The following COL5A1 variants were observed in gnomAD, a reference collection of about 807,000 sequenced individuals.
COL5A1 encodes collagen alpha-1(V) chain.
A neutral mutation model predicts 263.7 loss-of-function variants in COL5A1; 16 were observed. The observed-to-expected ratio is 0.06, with a 90% CI of 0.04 to 0.09. The LOEUF (loss-of-function observed/expected upper bound fraction) is 0.09. COL5A1 is among the 10% of genes least tolerant of loss of function. COL5A1 has a pLI of 1.00. For synonymous variants in COL5A1, 1,012 were observed against 1,004.5 expected (o/e 1.01, Z -0.14); for missense variants, 2,036 against 2,540.5 (o/e 0.80, Z 4.27).
chr9:134,831,201 T>A (rs1346033113), intron 64 of COL5A1, among the ~76,000 whole-genome samples: 9 of 152,236 alleles, frequency 5.9e-5, no homozygotes, highest in African/African-American at 1.9e-4. Context: ...GCCTTTGCCC[T>A]GTCTGCACCT....
chr9:134,765,879 G>T lies in COL5A1; in HGVS notation c.2088+145G>T. On this transcript the variant is annotated intron_variant, in intron 21 of 65. Transcript: ENST00000371817. This position sits in a 1 kb window ranked among gnomAD's most constrained non-coding sequence, Gnocchi z 5.1. ...CCTGCTGCCAGTGTGAGGCGTGAGC[G>T]GGACACTGATGTTCAGACGCTGTAG... 1 of 670,708 alleles carries T rather than the reference G, an allele frequency of 1.5e-6. No individual in the cohort carries two copies. Among genetic ancestry groups the T allele is most frequent in the South Asian group, 1.9e-5 (1 of 53,462 alleles). The allele number at this position is 670,708 out of a possible 1,614,324, so 41.5% of individuals were successfully genotyped here. A position where few individuals can be genotyped will look rare whatever the true frequency, so the allele number is the denominator to read the frequency against.
chr9:134,822,884 G>A (rs1312205616), intron 59 of COL5A1, 114 bp from the exon 60 acceptor site: 4 of 1,162,348 alleles, frequency 3.4e-6, no homozygotes, highest in Non-Finnish European at 5.1e-6. Flanking sequence ...ACTCTTGAGG[G>A]GGATGCGGGT....
chr9:134,815,984 A>C lies in COL5A1; in HGVS notation c.4118A>C (p.Gln1373Pro). The part of the protein sequence containing the change: ...GDKGDDGEPG[Q>P]TGSPGPTGEP... ...AAAGGAGATGATGGTGAACCCGGGC[A>C]GACGGTGAGTCCACAATCTGGGCTG... is the stretch of plus-strand genomic sequence containing the variant. The change falls in exon 52 of 66, where the codon CAG (glutamine) becomes CCG (proline). Residue 1373 changes from glutamine to proline, a missense_variant. Gln to Pro is a moderately conservative substitution (Grantham distance 76, BLOSUM62 -1). Transcript: ENST00000371817. The C allele has an allele frequency of 6.2e-7, 1 of 1,614,126 alleles. No individual in the cohort carries two copies. The highest frequency in any genetic ancestry group is 8.5e-7 in the Non-Finnish European group (1 of 1,180,030).
chr9:134,801,890 C>T, intron 37 of COL5A1, 64 bp from the exon 38 acceptor site: 2 of 1,469,126 alleles, frequency 1.4e-6, no homozygotes, highest in Non-Finnish European at 1.9e-6. Context: ...CTGCTGAGAA[C>T]AGTGCAGGGC....
chr9:134,739,972 C>T (rs1265141916), intron 11 of COL5A1, among the ~76,000 whole-genome samples: 3 of 152,082 alleles, frequency 2.0e-5, no homozygotes, highest in Non-Finnish European at 4.4e-5. Context: ...GGCTGGGTGA[C>T]CTCTGAGGGC....
Position 134,757,734 on chromosome 9 carries a change from G to T in COL5A1, c.1882-509G>T, listed in dbSNP as rs547778940. ...CCATGAGACAGGGCCCTGTTCCCGG[G>T]CTCCAGGGCATGCAGAAGAGGGGCC... On this transcript the variant is annotated intron_variant, in intron 17 of 65. Transcript: ENST00000371817. The surrounding 1 kb of genome is among the most constrained non-coding windows in gnomAD (Gnocchi z 6.2). Among the ~76,000 whole-genome samples the T allele has an allele frequency of 1.5e-3, 227 of 152,312 alleles. No homozygotes were observed. Among genetic ancestry groups the T allele is most frequent in the Admixed American group, 4.2e-3 (64 of 15,304 alleles).
chr9:134,689,203 C>G (rs957569276), intron 1 of COL5A1, among the ~76,000 whole-genome samples: 16 of 152,226 alleles, frequency 1.1e-4, no homozygotes, highest in East Asian at 7.7e-4. Context: ...GCAGGTGCCC[C>G]TGGCTGCAGG....
intron 14 of COL5A1, 127 bp downstream of exon 14, chr9:134,752,772 T>C: frequency 1.4e-6 from 1 of 736,080 alleles, no homozygotes. Context: ...GTCCAGTGCC[T>C]GTTCCCAGGA....
rs1287611255 is a variant in COL5A1, at chr9:134,677,964, C to G, written c.110-12948C>G. On this transcript the variant is annotated intron_variant, in intron 1 of 65. Coordinates refer to ENST00000371817, the MANE Select transcript of COL5A1 (RefSeq NM_000093.5). This position sits in a 1 kb window ranked among gnomAD's most constrained non-coding sequence, Gnocchi z 4.4. ...CCCATAGCTTGGGTATGGAGGGCCTCCTCTCCATGCAAGGCCTCCTATGGT... is the reference window on the plus strand; with the variant it reads ...CCCATAGCTTGGGTATGGAGGGCCTGCTCTCCATGCAAGGCCTCCTATGGT... 6.6e-6 allele frequency among the ~76,000 whole-genome samples: 1 copy of G among 152,162 alleles called. No homozygotes were observed. The highest frequency in any genetic ancestry group is 2.4e-5 in the African/African-American group (1 of 41,426).
At chr9:134,729,579 TGAGC>T (rs1834799555) in intron 6 of COL5A1, among the ~76,000 whole-genome samples, 1 of 91,700 alleles carries the variant, frequency 1.1e-5, no homozygotes, top group Non-Finnish European at 2.1e-5. Context: ...TGAGCGTGTG[TGAGC>T]GTGTGTGCAT....
chr9:134,812,780 G>GTGTGTC lies in COL5A1; in HGVS notation c.3852+73_3852+74insCTGTGT, dbSNP rs1554805198. ...GAGGAGTGTGTGTGTGTGTCTGTGT[G>GTGTGTC]TGTGTGTCTGTGTGTATGTGTATGT... On this transcript the variant is annotated intron_variant, in intron 48 of 65. Coordinates refer to ENST00000371817, the MANE Select transcript of COL5A1 (RefSeq NM_000093.5). 11 of 1,062,590 alleles carry GTGTGTC rather than the reference G, an allele frequency of 1.0e-5. No homozygotes were observed. The African/African-American group carries it at 1.6e-4, about 15-fold the overall frequency. 65.8% of individuals were successfully genotyped at this position (1,062,590 alleles called of 1,614,324 possible). A position where few individuals can be genotyped will look rare whatever the true frequency, so the allele number is the denominator to read the frequency against.
chr9:134,679,015 T>A (rs1832756907), intron 1 of COL5A1, among the ~76,000 whole-genome samples: 1 of 152,230 alleles, frequency 6.6e-6, no homozygotes, highest in African/African-American at 2.4e-5. Flanking sequence ...TTATCCGAGA[T>A]GCCTTTCAGG....
intron 2 of COL5A1, among the ~76,000 whole-genome samples, chr9:134,692,035 G>T (rs1190643897): frequency 6.6e-6 from 1 of 152,188 alleles, no homozygotes; most frequent in Non-Finnish European, 1.5e-5. Flanking sequence ...CGTGCTCTCT[G>T]TACACTCATC....
In COL5A1 at chr9:134,821,308, G is replaced by A. The variant is rs1223147876; in HGVS notation, c.4555-789G>A. On this transcript the variant is annotated intron_variant, in intron 58 of 65. Transcript: ENST00000371817. The surrounding 1 kb of genome is among the most constrained non-coding windows in gnomAD (Gnocchi z 4.2). ...GCGGCATTGCTGATGAAGGTGTCGG[G>A]TTGGTGTGCAGGCTTGGGTAGTTGT... 1.3e-5 allele frequency among the ~76,000 whole-genome samples: 2 copies of A among 152,184 alleles called. No homozygotes were observed. The highest frequency in any genetic ancestry group is 2.9e-5 in the Non-Finnish European group (2 of 68,032).
intron 8 of COL5A1, 146 bp from the exon 9 acceptor site, chr9:134,731,925 C>T: frequency 1.0e-6 from 1 of 1,001,712 alleles, no homozygotes; most frequent in Non-Finnish European, 1.6e-6. Flanking sequence ...CTCTGTCACG[C>T]TCCTGCCATC....
intron 7 of COL5A1, among the ~76,000 whole-genome samples, chr9:134,731,273 T>G (rs1237944487): frequency 6.6e-6 from 1 of 152,174 alleles, no homozygotes; most frequent in Non-Finnish European, 1.5e-5. Context: ...CTCCATGGTG[T>G]GCCAGCTCCG....
At position 134,735,744 on chromosome 9, in the gene COL5A1, C is replaced by G. The variant is rs563005808; in HGVS notation, c.1390-2730C>G. 7.2e-5 allele frequency among the ~76,000 whole-genome samples: 11 copies of G among 152,376 alleles called. No individual in the cohort carries two copies. In the East Asian group the frequency reaches 1.5e-3, roughly 21 times the overall value. On this transcript the variant is annotated intron_variant, in intron 9 of 65. Transcript: ENST00000371817. Reference sequence around the variant, plus strand: ...CTCAGCCCTGGGCTTTCTCAGCTGCCTTTGTCAGAGACGGAAATTGGAAAA... The same window carrying G: ...CTCAGCCCTGGGCTTTCTCAGCTGCGTTTGTCAGAGACGGAAATTGGAAAA...
intron 4 of COL5A1, among the ~76,000 whole-genome samples, chr9:134,718,255 G>A (rs1449637893): frequency 6.6e-6 from 1 of 152,244 alleles, no homozygotes; most frequent in Non-Finnish European, 1.5e-5. Flanking sequence ...TCCGTCGAAC[G>A]TGGCCGCCAA....
rs1832850345 is a variant in COL5A1, at chr9:134,681,344, T to G, written c.110-9568T>G. On this transcript the variant is annotated intron_variant, in intron 1 of 65. Transcript: ENST00000371817. This position sits in a 1 kb window ranked among gnomAD's most constrained non-coding sequence, Gnocchi z 4.3. ...AGGGCCCTTTACAAACAGAGCAAATTGATGGCTTCGTGAACAATTTCTGCG... is the reference window on the plus strand; with the variant it reads ...AGGGCCCTTTACAAACAGAGCAAATGGATGGCTTCGTGAACAATTTCTGCG... Among the ~76,000 whole-genome samples, 1 of 152,206 alleles carries G rather than the reference T, an allele frequency of 6.6e-6. No individual in the cohort carries two copies.
Sources: gnomAD v4.1 joint callset for allele counts (sites outside exome capture counted in the v4.1 genomes callset) on GRCh38, gnomAD v4.1.1 for gene constraint, Gnocchi (gnomAD v3.1) non-coding constraint, MANE v1.5 for transcripts, NCBI Gene and HGNC (gene_info 2026-07-23, HGNC 2026-07-21) for gene names.